The following RGL1 variants were observed in gnomAD, a reference collection of about 807,000 sequenced individuals.
RGL1 encodes ral guanine nucleotide dissociation stimulator-like 1.
A neutral mutation model predicts 95.2 loss-of-function variants in RGL1; 24 were observed. The observed-to-expected ratio is 0.25, with a 90% CI of 0.18 to 0.35. The LOEUF is 0.35. Ranked by LOEUF, RGL1 falls within the 10% of genes least tolerant of loss-of-function variation. The pLI is 1.00. For synonymous variants in RGL1, 329 were observed against 344.9 expected (o/e 0.95, Z 0.51); for missense variants, 715 against 936.3 (o/e 0.76, Z 3.08).
chr1:183,708,913 G>A (rs1267676836), intron 1 of RGL1, among the ~76,000 whole-genome samples: 1 of 152,178 alleles, frequency 6.6e-6, no homozygotes, highest in African/African-American at 2.4e-5. Context: ...CAGATGTAAG[G>A]CTCTTGTATC....
intron 2 of RGL1, among the ~76,000 whole-genome samples, chr1:183,819,039 G>A (rs1662275922): frequency 6.6e-6 from 1 of 152,190 alleles, no homozygotes; most frequent in Admixed American, 6.5e-5. Context: ...GTGACATATA[G>A]GTTTGAGTCA....
intron 2 of RGL1, among the ~76,000 whole-genome samples, chr1:183,808,892 C>T (rs966686931): frequency 1.3e-5 from 2 of 152,076 alleles, no homozygotes; most frequent in Non-Finnish European, 2.9e-5. Context: ...GAAGAATTTC[C>T]TGGGACCTTA....
chr1:183,763,679 C>T lies in RGL1; in HGVS notation c.132+21390C>T, dbSNP rs982731711. ...GTGCAAATTCCTTAATCTGTATTTC[C>T]GTTTCTTTATCTATAAAGTGGGTAC... On this transcript the variant is annotated intron_variant, in intron 2 of 18. Transcript: ENST00000304685. Among the ~76,000 whole-genome samples, 57 of 152,196 alleles carry T rather than the reference C, an allele frequency of 3.7e-4. 1 individual carries two copies. Among genetic ancestry groups the T allele is most frequent in the Middle Eastern group, 3.4e-3 (1 of 292 alleles).
intron 4 of RGL1, among the ~76,000 whole-genome samples, chr1:183,867,888 G>A (rs1008211945): frequency 1.3e-5 from 2 of 152,208 alleles, no homozygotes; most frequent in African/African-American, 4.8e-5. Context: ...AGCTAGGGAT[G>A]TGAAAGTAGA....
At chr1:183,919,092 T>C (rs894231198) in intron 16 of RGL1, among the ~76,000 whole-genome samples, 7 of 152,226 alleles carry the variant, frequency 4.6e-5, no homozygotes, top group African/African-American at 1.7e-4. Context: ...CCACATTAGA[T>C]ATTTAAACTG....
At chr1:183,867,084 A>G (rs1665885721) in intron 4 of RGL1, among the ~76,000 whole-genome samples, 1 of 152,244 alleles carries the variant, frequency 6.6e-6, no homozygotes, top group Admixed American at 6.5e-5. Flanking sequence ...GGGAGTGTGT[A>G]TCAGAAATTC....
Position 183,880,941 on chromosome 1 carries a change from A to G in RGL1, c.610+141A>G, listed in dbSNP as rs1360320885. The G allele has an allele frequency of 5.4e-6, 4 of 742,270 alleles. No homozygotes were observed. The East Asian group carries it at 8.3e-5, about 15-fold the overall frequency. The allele number at this position is 742,270 out of a possible 1,614,324, so 46.0% of individuals were successfully genotyped here. ...ATGCTGCTGGAGGATTGGCTTGAGT[A>G]TAAAATTCTCAAGATTACTGAAGTA... On this transcript the variant is annotated intron_variant, in intron 5 of 17. Transcript: ENST00000360851.
At chr1:183,822,032 G>T (rs758858917) in intron 2 of RGL1, among the ~76,000 whole-genome samples, 7 of 152,110 alleles carry the variant, frequency 4.6e-5, no homozygotes, top group African/African-American at 7.2e-5. Context: ...AGATGTAGGG[G>T]TGGTCACCAG....
At chr1:183,689,120 G>A (rs12067907) in intron 1 of RGL1, among the ~76,000 whole-genome samples, 12,354 of 152,088 alleles carry the variant, frequency 0.081, 920 homozygotes, top group African/African-American at 0.2. Flanking sequence ...AGTCAGCCAC[G>A]TGTATTTCTT....
intron 1 of RGL1, among the ~76,000 whole-genome samples, chr1:183,678,697 A>C (rs1439459257): frequency 6.6e-6 from 1 of 151,802 alleles, no homozygotes; most frequent in African/African-American, 2.4e-5. Context: ...AGATTCTTCT[A>C]AGCAAGATTT....
chr1:183,914,545 C>T (rs565620101), intron 15 of RGL1, among the ~76,000 whole-genome samples: 3 of 152,280 alleles, frequency 2.0e-5, no homozygotes, highest in Non-Finnish European at 2.9e-5. Flanking sequence ...CTGTGACAGC[C>T]GCCTTCTCCA....
intron 2 of RGL1, among the ~76,000 whole-genome samples, chr1:183,767,463 G>T (rs114816481): frequency 0.015 from 2,323 of 152,200 alleles, 73 homozygotes; most frequent in African/African-American, 0.054. Context: ...ATATGCAAAT[G>T]AATGTTCTTA....
intron 2 of RGL1, among the ~76,000 whole-genome samples, chr1:183,823,765 G>A (rs1662657873): frequency 6.6e-6 from 1 of 152,104 alleles, no homozygotes; most frequent in Non-Finnish European, 1.5e-5. Flanking sequence ...AATCAGAGAA[G>A]GATGGAAAGT....
At chr1:183,663,569 G>C (rs1651807407) in intron 1 of RGL1, among the ~76,000 whole-genome samples, 1 of 152,060 alleles carries the variant, frequency 6.6e-6, no homozygotes, top group Non-Finnish European at 1.5e-5. Flanking sequence ...AACAACAGGT[G>C]CTGGAGAGGA....
intron 2 of RGL1, among the ~76,000 whole-genome samples, chr1:183,770,468 C>A (rs959029888): frequency 2.6e-5 from 4 of 152,150 alleles, no homozygotes; most frequent in Non-Finnish European, 5.9e-5. Context: ...GGGGTTCAGT[C>A]TAGGTCATGC....
chr1:183,802,766 A>T (rs937897044), upstream of RGL1, among the ~76,000 whole-genome samples: 1 of 152,214 alleles, frequency 6.6e-6, no homozygotes. Flanking sequence ...CTTGGAATAA[A>T]CTGAACCAAA....
chr1:183,667,859 A>T (rs1174146557), intron 1 of RGL1, among the ~76,000 whole-genome samples: 1 of 152,150 alleles, frequency 6.6e-6, no homozygotes, highest in African/African-American at 2.4e-5. Context: ...AGTTTGTAAT[A>T]TTCATTTATA....
intron 2 of RGL1, among the ~76,000 whole-genome samples, chr1:183,812,392 A>G (rs778288833): frequency 6.6e-6 from 1 of 152,148 alleles, no homozygotes; most frequent in Non-Finnish European, 1.5e-5. Context: ...AAACACATCC[A>G]GTGTGAACTC....
At chr1:183,672,221 T>C (rs1174676) in intron 1 of RGL1, among the ~76,000 whole-genome samples, 118,096 of 152,070 alleles carry the variant, frequency 0.78, 47,163 homozygotes, top group East Asian at 0.88. Context: ...GCATGAGCCA[T>C]GGCGCCCAGC....
Sources: allele counts gnomAD v4.1 joint callset (sites outside exome capture counted in the v4.1 genomes callset), GRCh38; gene constraint gnomAD v4.1.1; transcripts MANE v1.5; gene names NCBI Gene and HGNC (gene_info 2026-07-23, HGNC 2026-07-21).